Variants in RYR3 observed in about 807,000 individuals in gnomAD.
RYR3 encodes brain ryanodine receptor-calcium release channel.
RYR3 carries 207 observed loss-of-function variants against 584.3 expected under a neutral mutation model. That is an observed-to-expected ratio of 0.35 (90% confidence interval 0.32 to 0.40). The LOEUF is 0.40. Ranked by LOEUF, RYR3 falls within the 10% of genes least tolerant of loss-of-function variation. The probability of loss-of-function intolerance (pLI) is 1.00; values close to 1 mark genes in which losing one functional copy is unlikely to be tolerated. For missense variants in RYR3, 5,616 were observed against 6,089.2 expected (o/e 0.92, Z 2.59); for synonymous variants, 2,416 against 2,248.5 (o/e 1.07, Z -2.11).
intron 65 of RYR3, among the ~76,000 whole-genome samples, chr15:33,781,691 G>T (rs1343474040): frequency 1.3e-5 from 2 of 152,152 alleles, no homozygotes; most frequent in Admixed American, 1.3e-4. Flanking sequence ...ATCTTTCACT[G>T]AGCTAGAATA....
At chr15:33,621,194 A>G (rs1457063456) in intron 19 of RYR3, among the ~76,000 whole-genome samples, 2 of 152,246 alleles carry the variant, frequency 1.3e-5, no homozygotes, top group East Asian at 3.8e-4. Context: ...GAGCTCATGA[A>G]TAATTAAATT....
intron 60 of RYR3, among the ~76,000 whole-genome samples, chr15:33,760,533 C>T (rs1252815794): frequency 1.3e-5 from 2 of 152,286 alleles, no homozygotes; most frequent in Non-Finnish European, 2.9e-5. Flanking sequence ...GTAAAGGGAT[C>T]AATTCAACAA....
chr15:33,782,701 A>G (rs2074457872), intron 65 of RYR3, among the ~76,000 whole-genome samples: 1 of 152,186 alleles, frequency 6.6e-6, no homozygotes, highest in Non-Finnish European at 1.5e-5. Context: ...GAAATACAGT[A>G]TGAACTGATT....
chr15:33,782,110 C>G (rs957672702), intron 65 of RYR3, among the ~76,000 whole-genome samples: 1 of 152,188 alleles, frequency 6.6e-6, no homozygotes, highest in Non-Finnish European at 1.5e-5. Context: ...AATAGTGTAT[C>G]TCTGTCTCTA....
rs373176603 is a variant in RYR3 at position 33,460,983 on chromosome 15, C to T, written c.52-12436C>T. Among the ~76,000 whole-genome samples the T allele has an allele frequency of 6.5e-4, 73 of 112,270 alleles. 1 individual carries two copies. In the East Asian group the frequency reaches 0.021, roughly 33 times the overall value. 73.7% of individuals were successfully genotyped at this position (112,270 alleles called of 152,430 possible). The stretch of plus-strand genomic sequence containing the variant: ...TTTTTAAGACGGAGTCTCGCTGTGT[C>T]GCCCAGGCTGGAGTGCAGTGGCGTG... On this transcript the variant is annotated intron_variant, in intron 1 of 103. Coordinates refer to ENST00000634891, the MANE Select transcript of RYR3 (RefSeq NM_001036.6).
chr15:33,626,187 G>A (rs1039015082), intron 20 of RYR3, among the ~76,000 whole-genome samples: 9 of 152,166 alleles, frequency 5.9e-5, no homozygotes, highest in African/African-American at 2.2e-4. Flanking sequence ...CAAAGAATGA[G>A]GTAAAGTTTT....
intron 27 of RYR3, among the ~76,000 whole-genome samples, chr15:33,639,891 G>A (rs150242031): frequency 6.7e-5 from 10 of 150,314 alleles, no homozygotes; most frequent in Middle Eastern, 3.4e-3. Flanking sequence ...GAGCTCAGAA[G>A]CCTCCAAGGC....
Position 33,761,634 on chromosome 15 carries a change from C to G in RYR3, c.8705+4038C>G, listed in dbSNP as rs948764287. ...CTAATAGCCTACCAACCAAAAAAGGCCCAGAACCAGACAGATTCACAGCCT... is the reference window on the plus strand; with the variant it reads ...CTAATAGCCTACCAACCAAAAAAGGGCCAGAACCAGACAGATTCACAGCCT... On this transcript the variant is annotated intron_variant, in intron 60 of 103. Transcript: ENST00000634891. Among the ~76,000 whole-genome samples, 11 of 152,228 alleles carry G rather than the reference C, an allele frequency of 7.2e-5. No homozygotes were observed. In the South Asian group the frequency reaches 1.0e-3, roughly 14 times the overall value.
In RYR3 at chr15:33,536,999, A is replaced by G. The variant is rs146053987; in HGVS notation, c.434-2351A>G. On this transcript the variant is annotated intron_variant, in intron 5 of 103. Transcript: ENST00000634891. ...TTCTTCCACTCTTCCCATCCTTCCA[A>G]TAGATTTTCATCTATTTTATTTAAC... is the stretch of plus-strand genomic sequence containing the variant. 2.0e-3 allele frequency among the ~76,000 whole-genome samples: 312 copies of G among 152,276 alleles called. 4 individuals are homozygous for G. The East Asian group carries it at 0.052, about 25-fold the overall frequency.
intron 77 of RYR3, among the ~76,000 whole-genome samples, chr15:33,820,232 C>G (rs917797248): frequency 3.3e-5 from 5 of 152,172 alleles, no homozygotes; most frequent in Non-Finnish European, 1.5e-5. Flanking sequence ...AAGATGGTGA[C>G]CTCTGGAATG....
chr15:33,601,439 C>T lies in RYR3; in HGVS notation c.1809C>T (p.Ser603=), dbSNP rs2152551572. ...RNHKVLDILC[S]LCLCNGVAVR... ...TGCAGGTTCTGGATATCCTGTGCTC[C>T]CTCTGTCTCTGCAATGGGGTTGCAG... The change falls in exon 17 of 104, where the codon TCC becomes TCT. Residue 603 remains serine, a synonymous_variant. Transcript: ENST00000634891. 2 of 1,612,860 alleles carry T rather than the reference C, an allele frequency of 1.2e-6. No homozygotes were observed. The highest frequency in any genetic ancestry group is 8.5e-7 in the Non-Finnish European group (1 of 1,179,566).
chr15:33,796,071 G>A (rs4779649), intron 67 of RYR3, among the ~76,000 whole-genome samples: 105,631 of 152,066 alleles, frequency 0.69, 37,151 homozygotes, highest in East Asian at 0.96. Context: ...ACACAGGAGC[G>A]TGGCTTCCTT....
chr15:33,576,693 T>A (rs1398838350), intron 12 of RYR3, among the ~76,000 whole-genome samples: 1 of 152,198 alleles, frequency 6.6e-6, no homozygotes, highest in Non-Finnish European at 1.5e-5. Context: ...GCATTCCCCC[T>A]TGAAAACCAG....
chr15:33,822,740 T>G (rs1237321031), intron 80 of RYR3, among the ~76,000 whole-genome samples: 1 of 152,254 alleles, frequency 6.6e-6, no homozygotes, highest in Non-Finnish European at 1.5e-5. Flanking sequence ...TCGTGATACA[T>G]TACTATATCA....
chr15:33,416,987 ATTGG>A (rs1351194390), intron 1 of RYR3, among the ~76,000 whole-genome samples: 1 of 152,070 alleles, frequency 6.6e-6, no homozygotes, highest in Non-Finnish European at 1.5e-5. Context: ...TTTGTTGAAG[ATTGG>A]TTGGTTTAAA....
intron 66 of RYR3, among the ~76,000 whole-genome samples, chr15:33,787,530 AC>A (rs1384281241): frequency 4.7e-5 from 6 of 126,998 alleles, no homozygotes; most frequent in East Asian, 5.1e-4. Context: ...AAAAAAAAAA[AC>A]AAAAACAAAC....
Position 33,837,864 on chromosome 15 carries a change from C to G in RYR3, c.11884C>G (p.Leu3962Val). Residue 3962 changes from leucine to valine, a missense_variant, in exon 89 of 104, where the codon CTC (leucine) becomes GTC (valine). By Grantham distance (32) the Leu-to-Val change is conservative. Around this residue, in one of 9 missense-constraint regions of RYR3, gnomAD observed 258 missense variants for 297.3 expected, o/e 0.87. Coordinates refer to ENST00000634891, the MANE Select transcript of RYR3 (RefSeq NM_001036.6). The stretch of plus-strand genomic sequence containing the variant: ...GTACACGCAGTCAGAGATTGACTTT[C>G]TCCTGTCGTGTGCAGAAGCTGATGA... The part of the protein sequence containing the change: ...KQYTQSEIDF[L>V]LSCAEADEND... 1.9e-6 allele frequency: 3 copies of G among 1,614,042 alleles called. No homozygotes were observed. The highest frequency in any genetic ancestry group is 1.6e-4 in the Middle Eastern group (1 of 6,062).
chr15:33,747,898 C>G (rs1026183082), intron 53 of RYR3, among the ~76,000 whole-genome samples: 1 of 152,168 alleles, frequency 6.6e-6, no homozygotes, highest in Non-Finnish European at 1.5e-5. Flanking sequence ...CACATTTCCT[C>G]CCAGGGCAGG....
At chr15:33,739,441 A>G (rs1000381474) in intron 50 of RYR3, among the ~76,000 whole-genome samples, 4 of 152,128 alleles carry the variant, frequency 2.6e-5, no homozygotes, top group African/African-American at 9.7e-5. Context: ...AGCTTGGCAC[A>G]GCTTACTGTG....
Sources: allele counts gnomAD v4.1 joint callset (sites outside exome capture counted in the v4.1 genomes callset), GRCh38; gene constraint gnomAD v4.1.1; regional missense constraint gnomAD v4.1.1; transcripts MANE v1.5; gene names NCBI Gene and HGNC (gene_info 2026-07-23, HGNC 2026-07-21).